The following ZFHX3 variants were observed in gnomAD, a reference collection of about 807,000 sequenced individuals.
ZFHX3 encodes the protein zinc finger homeobox 3, also known as zinc finger homeobox protein 3.
In ZFHX3, 42 loss-of-function variants were observed where a neutral mutation model predicts 279.1. The observed-to-expected ratio is 0.15, with a 90% CI of 0.12 to 0.19. The LOEUF (loss-of-function observed/expected upper bound fraction) is 0.19, where lower values mean the gene tolerates loss of function less well. Ranked by LOEUF, ZFHX3 falls within the 10% of genes least tolerant of loss-of-function variation. The pLI is 1.00. For missense variants in ZFHX3, 4,981 were observed against 4,754.0 expected (o/e 1.05, Z -1.40); for synonymous variants, 2,293 against 1,957.8 (o/e 1.17, Z -4.52).
chr16:73,655,594 T>G (rs971406730), intron 2 of ZFHX3, among the ~76,000 whole-genome samples: 3 of 152,076 alleles, frequency 2.0e-5, no homozygotes, highest in African/African-American at 7.2e-5. Context: ...TACATGAAAA[T>G]ACAAACAATC....
chr16:73,337,307 C>T (rs761926978), intron 3 of ZFHX3, among the ~76,000 whole-genome samples: 1 of 152,120 alleles, frequency 6.6e-6, no homozygotes, highest in African/African-American at 2.4e-5. Context: ...TGAACCTCCC[C>T]TCTACACGTT....
chr16:73,677,681 G>A (rs2052968620), intron 2 of ZFHX3, among the ~76,000 whole-genome samples: 1 of 151,672 alleles, frequency 6.6e-6, no homozygotes, highest in African/African-American at 2.4e-5. Context: ...ATTTCAACAG[G>A]AAAATATAAA....
intron 5 of ZFHX3, among the ~76,000 whole-genome samples, chr16:72,820,894 C>T (rs1209244900): frequency 6.6e-6 from 1 of 152,054 alleles, no homozygotes; most frequent in Admixed American, 6.6e-5. Flanking sequence ...TAGGATCCGG[C>T]CAAAGTTAAT....
Position 72,958,407 on chromosome 16 carries a change from T to C in ZFHX3, c.1739A>G (p.Asn580Ser), listed in dbSNP as rs757455361. 1.2e-6 allele frequency: 2 copies of C among 1,614,194 alleles called. No homozygotes were observed. The highest frequency in any genetic ancestry group is 1.1e-5 in the South Asian group (1 of 91,082). The change falls in exon 2 of 10, where the codon AAT becomes AGT. Residue 580 changes from asparagine (N) to serine (S), a missense_variant. Transcript: ENST00000268489. The part of the protein sequence containing the change: ...LSFNSEGVRA[N>S]VAEGGRRLDF... ...CAGCCTCCTGCCGCCCTCTGCCACA[T>C]TGGCCCTGACGCCCTCACTGTTAAA...
intron 1 of ZFHX3, among the ~76,000 whole-genome samples, chr16:73,032,189 C>T (rs1030085192): frequency 6.6e-6 from 1 of 152,046 alleles, no homozygotes; most frequent in African/African-American, 2.4e-5. Flanking sequence ...CCGAGCTACT[C>T]GGGTTGCGGG....
rs142886772 is a variant in ZFHX3, at chr16:73,713,339, C to T, written c.-1607-33099G>A. ...ATTTTTCTCCATTAGCAAGTCCTAC[C>T]AGCACAAAGTAAATAAAGCCACCGT... On this transcript the variant is annotated intron_variant, in intron 1 of 17. Transcript: ENST00000641206. Among the ~76,000 whole-genome samples the T allele has an allele frequency of 3.0e-3, 463 of 152,274 alleles. 2 individuals carry two copies. Among genetic ancestry groups the T allele is most frequent in the African/African-American group, 0.011 (437 of 41,564 alleles).
chr16:73,265,940 A>G (rs2013961158), intron 4 of ZFHX3, among the ~76,000 whole-genome samples: 2 of 152,214 alleles, frequency 1.3e-5, no homozygotes, highest in Non-Finnish European at 2.9e-5. Flanking sequence ...GTGCCATCTG[A>G]TCGATTTCAT....
At chr16:73,750,481 G>A (rs1463884426) in intron 1 of ZFHX3, among the ~76,000 whole-genome samples, 1 of 152,190 alleles carries the variant, frequency 6.6e-6, no homozygotes, top group Non-Finnish European at 1.5e-5. Flanking sequence ...CACGCTATGT[G>A]TGGATCTTAG....
At chr16:72,839,352 G>T (rs1054191702) in intron 4 of ZFHX3, among the ~76,000 whole-genome samples, 1 of 152,044 alleles carries the variant, frequency 6.6e-6, no homozygotes, top group Non-Finnish European at 1.5e-5. Flanking sequence ...CATTTAAAAC[G>T]TGATCTAACA....
chr16:73,080,046 TC>T (rs1567658768), intron 8 of ZFHX3, among the ~76,000 whole-genome samples: 1 of 152,162 alleles, frequency 6.6e-6, no homozygotes, highest in Non-Finnish European at 1.5e-5. Context: ...CAACTCTTTT[TC>T]ACAGGCTCTG....
At chr16:73,032,711 A>G (rs2144679875) in intron 1 of ZFHX3, among the ~76,000 whole-genome samples, 2 of 151,314 alleles carry the variant, frequency 1.3e-5, no homozygotes, top group South Asian at 4.2e-4. Context: ...GAGACATCCC[A>G]GAGTCCACAC....
chr16:73,023,031 C>T (rs1964361275), intron 1 of ZFHX3, among the ~76,000 whole-genome samples: 2 of 152,140 alleles, frequency 1.3e-5, no homozygotes, highest in Admixed American at 1.3e-4. Context: ...AGTTCGAGGC[C>T]AACCTGGCCA....
At chr16:73,809,960 C>T (rs1960383459) in intron 1 of ZFHX3, among the ~76,000 whole-genome samples, 1 of 152,154 alleles carries the variant, frequency 6.6e-6, no homozygotes, top group Admixed American at 6.5e-5. Flanking sequence ...GGAATAAAAG[C>T]ATTTTCTTGC....
At chr16:73,333,889 G>C (rs2015855895) in intron 3 of ZFHX3, among the ~76,000 whole-genome samples, 1 of 150,382 alleles carries the variant, frequency 6.6e-6, no homozygotes, top group African/African-American at 2.4e-5. Context: ...GACCACAGCT[G>C]ACTTCCACCT....
chr16:72,798,738 A>C (rs1468405104), intron 8 of ZFHX3, 24 bp from the exon 9 acceptor site: 1 of 1,513,102 alleles, frequency 6.6e-7, no homozygotes, highest in Non-Finnish European at 8.8e-7. Flanking sequence ...AAAAAAAATC[A>C]AACCCAAAGA....
At chr16:72,821,483 A>G (rs1249525088) in intron 5 of ZFHX3, among the ~76,000 whole-genome samples, 1 of 152,206 alleles carries the variant, frequency 6.6e-6, no homozygotes, top group Non-Finnish European at 1.5e-5. Context: ...GGCCTAGGAT[A>G]AGTGACCTGT....
At chr16:73,329,475 G>A (rs563035697) in intron 3 of ZFHX3, among the ~76,000 whole-genome samples, 6 of 152,336 alleles carry the variant, frequency 3.9e-5, no homozygotes, top group East Asian at 1.9e-4. Flanking sequence ...CTCGACCGGC[G>A]GAGCCAGATC....
chr16:73,022,757 G>A (rs777970513), intron 1 of ZFHX3, among the ~76,000 whole-genome samples: 1 of 152,150 alleles, frequency 6.6e-6, no homozygotes, highest in African/African-American at 2.4e-5. Flanking sequence ...GTAAGAGCTG[G>A]TAAGCAACAG....
chr16:73,841,375 C>T (rs1961302834), intron 1 of ZFHX3, among the ~76,000 whole-genome samples: 1 of 152,128 alleles, frequency 6.6e-6, no homozygotes, highest in African/African-American at 2.4e-5. Context: ...GTTCAGTGAA[C>T]CCAAGAGCCA....
Sources: allele counts gnomAD v4.1 joint callset (sites outside exome capture counted in the v4.1 genomes callset), GRCh38; gene constraint gnomAD v4.1.1; transcripts MANE v1.5; gene names NCBI Gene and HGNC (gene_info 2026-07-23, HGNC 2026-07-21).